Variants in DNAI4 observed in about 807,000 individuals in gnomAD.
DNAI4 encodes dynein axonemal intermediate chain 4, also known as WD repeat domain 78.
In DNAI4, 85 loss-of-function variants were observed where a neutral mutation model predicts 105.8. The observed-to-expected ratio is 0.80, with a 90% CI of 0.67 to 0.96. The LOEUF is 0.96. Ranked by LOEUF, DNAI4 falls within the 40% of genes least tolerant of loss-of-function variation. The pLI is 0.00. For missense variants in DNAI4, 1,014 were observed against 1,005.6 expected, an observed-to-expected ratio of 1.01 and a Z score of -0.11; for synonymous variants, 352 against 331.5, an observed-to-expected ratio of 1.06 and a Z score of -0.67.
At chr1:66,841,524 T>C (rs967010063) in intron 8 of DNAI4, among the ~76,000 whole-genome samples, 2 of 152,206 alleles carry the variant, frequency 1.3e-5, no homozygotes, top group African/African-American at 4.8e-5. Flanking sequence ...CATCTGTTTT[T>C]AAATTTATTT....
chr1:66,879,088 T>G (rs1417220155), intron 4 of DNAI4, among the ~76,000 whole-genome samples: 1 of 152,172 alleles, frequency 6.6e-6, no homozygotes, highest in Non-Finnish European at 1.5e-5. Flanking sequence ...TTCTTTGGGT[T>G]TTAGTAAAGG....
At chr1:66,836,304 GAAAGAAAGAAAGAAAGA>G (rs1646021118) in intron 10 of DNAI4, among the ~76,000 whole-genome samples, 1 of 150,294 alleles carries the variant, frequency 6.7e-6, no homozygotes, top group East Asian at 2.0e-4. Context: ...AAGAAAGAAA[GAAAGAAAGAAAGAAAGA>G]AAGAAGGAAA....
intron 4 of DNAI4, among the ~76,000 whole-genome samples, chr1:66,877,001 T>G (rs764244602): frequency 3.9e-5 from 6 of 152,146 alleles, no homozygotes; most frequent in Non-Finnish European, 7.4e-5. Flanking sequence ...ACAGGGGACT[T>G]TTATCCATAA....
At chr1:66,866,948 T>C (rs1204492882) in intron 6 of DNAI4, among the ~76,000 whole-genome samples, 4 of 152,218 alleles carry the variant, frequency 2.6e-5, no homozygotes, top group African/African-American at 9.6e-5. Context: ...ATGTCTTGCA[T>C]GGCAGCAGGT....
At chr1:66,862,701 A>G (rs1646653778) in intron 6 of DNAI4, among the ~76,000 whole-genome samples, 1 of 152,244 alleles carries the variant, frequency 6.6e-6, no homozygotes, top group South Asian at 2.1e-4. Flanking sequence ...TCATCACACT[A>G]TTAGTATCTA....
intron 1 of DNAI4, among the ~76,000 whole-genome samples, chr1:66,911,548 T>A (rs1370654644): frequency 2.0e-5 from 3 of 152,158 alleles, no homozygotes; most frequent in African/African-American, 7.2e-5. Context: ...TCAAGCTACC[T>A]AGAAGGTACT....
At chr1:66,838,813 T>C (rs1220756055) in intron 9 of DNAI4, among the ~76,000 whole-genome samples, 1 of 152,206 alleles carries the variant, frequency 6.6e-6, no homozygotes, top group Admixed American at 6.5e-5. Context: ...CTAAGAAACA[T>C]TCAAGAGCTT....
chr1:66,897,490 A>G (rs190929261), intron 2 of DNAI4, among the ~76,000 whole-genome samples: 8 of 152,320 alleles, frequency 5.3e-5, no homozygotes, highest in African/African-American at 1.9e-4. Flanking sequence ...GATCATAAAG[A>G]CAGTGGAAGA....
chr1:66,900,064 T>A (rs1044239717), intron 2 of DNAI4, among the ~76,000 whole-genome samples: 1 of 152,116 alleles, frequency 6.6e-6, no homozygotes, highest in Non-Finnish European at 1.5e-5. Context: ...ATGAATTTTA[T>A]TTTATTTTAT....
chr1:66,870,962 T>A (rs1646833482), intron 6 of DNAI4: 1 of 160,398 alleles, frequency 6.2e-6, no homozygotes, highest in Admixed American at 6.5e-5. Context: ...ATCTATAAAA[T>A]GGGGAAGCAT....
chr1:66,834,074 T>C lies in DNAI4; in HGVS notation c.1808A>G (p.Asp603Gly). ...WIEQDRGTTG[D>G]GKREILVSIS... is the part of the protein sequence containing the mutation. Reference sequence around the variant, plus strand: ...AGAAACTAGTATTTCTCTTTTGCCATCTCCTGTTGTTCCTCGATCTTGTTC... The same window carrying C: ...AGAAACTAGTATTTCTCTTTTGCCACCTCCTGTTGTTCCTCGATCTTGTTC... The change falls in exon 12 of 17, where the codon GAT becomes GGT. Residue 603 changes from aspartate (D) to glycine (G), a missense_variant. Coordinates refer to ENST00000371026, the MANE Select transcript of DNAI4 (RefSeq NM_024763.5). 6.2e-7 allele frequency: 1 copy of C among 1,612,854 alleles called. No homozygotes were observed. Among genetic ancestry groups the C allele is most frequent in the African/African-American group, 1.3e-5 (1 of 74,986 alleles).
At chr1:66,901,174 T>G (rs1648788900) in intron 2 of DNAI4, among the ~76,000 whole-genome samples, 1 of 152,220 alleles carries the variant, frequency 6.6e-6, no homozygotes, top group African/African-American at 2.4e-5. Flanking sequence ...TCTCTATTGT[T>G]TTTCTATTCA....
At chr1:66,828,110 G>T (rs1471686540) in intron 13 of DNAI4, 200 bp from the exon 14 acceptor site, 2 of 322,926 alleles carry the variant, frequency 6.2e-6, no homozygotes, top group South Asian at 9.3e-5. Context: ...CTGTGCAAAA[G>T]AAAATATAAA....
chr1:66,898,405 G>A (rs946092391), intron 2 of DNAI4, among the ~76,000 whole-genome samples: 1 of 152,218 alleles, frequency 6.6e-6, no homozygotes, highest in East Asian at 1.9e-4. Context: ...GTGTCTAAAA[G>A]TTATGTTAGA....
chr1:66,922,193 G>A (rs950549345), intron 1 of DNAI4, among the ~76,000 whole-genome samples: 2 of 152,114 alleles, frequency 1.3e-5, no homozygotes, highest in Admixed American at 1.3e-4. Flanking sequence ...TCATAAAGTG[G>A]TGGAATTACA....
At chr1:66,814,402 C>T (rs1047189530) in intron 16 of DNAI4, among the ~76,000 whole-genome samples, 2 of 151,916 alleles carry the variant, frequency 1.3e-5, no homozygotes, top group African/African-American at 4.8e-5. Flanking sequence ...CAGAGTCTTG[C>T]TCTGTCGCCA....
intron 5 of DNAI4, among the ~76,000 whole-genome samples, chr1:66,872,217 ATTATTTAT>A (rs1553222758): frequency 8.5e-5 from 10 of 117,418 alleles, no homozygotes; most frequent in Non-Finnish European, 9.4e-5. Context: ...TTATTTATTT[ATTATTTAT>A]TTATTTATTT....
chr1:66,823,531 T>G, intron 15 of DNAI4, among the ~76,000 whole-genome samples: 1 of 147,580 alleles, frequency 6.8e-6, no homozygotes, highest in Non-Finnish European at 1.5e-5. Flanking sequence ...ACCAACAGTG[T>G]AAAAGTGTTC....
At chr1:66,875,785 T>C (rs1646947233) in intron 4 of DNAI4, among the ~76,000 whole-genome samples, 1 of 151,988 alleles carries the variant, frequency 6.6e-6, no homozygotes, top group African/African-American at 2.4e-5. Context: ...AAAAACACCT[T>C]CCTTATAATC....
Sources: allele counts gnomAD v4.1 joint callset (sites outside exome capture counted in the v4.1 genomes callset), GRCh38; gene constraint gnomAD v4.1.1; transcripts MANE v1.5; gene names NCBI Gene and HGNC (gene_info 2026-07-23, HGNC 2026-07-21).